LRRC37B: variants seen among roughly 807,000 people sequenced by gnomAD.
The protein encoded by LRRC37B is leucine-rich repeat-containing protein 37B.
Under a neutral mutation model 98.3 loss-of-function variants are expected in LRRC37B, and 28 were observed. The observed-to-expected ratio is 0.28, with a 90% confidence interval of 0.21 to 0.39. LRRC37B has a LOEUF of 0.39. Ranked by LOEUF, LRRC37B falls within the 10% of genes least tolerant of loss-of-function variation. The pLI is 1.00. For synonymous variants in LRRC37B, 364 were observed against 442.7 expected, an observed-to-expected ratio of 0.82 and a Z score of 2.23; for missense variants, 938 against 1,182.7, an observed-to-expected ratio of 0.79 and a Z score of 3.03.
At chr17:32,016,621 TA>T (rs1188336767), upstream of LRRC37B, among the ~76,000 whole-genome samples, 4 of 152,214 alleles carry the variant, frequency 2.6e-5, no homozygotes, top group African/African-American at 9.6e-5. Context: ...GGGAGAAGGA[TA>T]AAAATACAGA....
At chr17:32,045,668 A>T (rs182240385) in intron 7 of LRRC37B, 32 bp from the exon 11 acceptor site, 13 of 1,603,408 alleles carry the variant, frequency 8.1e-6, no homozygotes, top group African/African-American at 8.0e-5. Context: ...CCGCTTTACC[A>T]CTAATTTATT....
intron 8 of LRRC37B, among the ~76,000 whole-genome samples, chr17:32,046,227 T>A (rs1911575891): frequency 6.6e-6 from 1 of 152,184 alleles, no homozygotes; most frequent in African/African-American, 2.4e-5. Flanking sequence ...TAGATCCGGT[T>A]TTGTTTTTGT....
exon 8 of LRRC37B, chr17:32,045,785 A>G: frequency 6.2e-7 from 1 of 1,600,490 alleles, no homozygotes; most frequent in Non-Finnish European, 8.5e-7. Flanking sequence ...GCTGCATTGC[A>G]ACACTGCATG....
In LRRC37B at chr17:32,047,860, C is replaced by T. The variant is rs547222676; in HGVS notation, c.2423C>T (p.Ala808Val). The T allele has an allele frequency of 6.3e-5, 102 of 1,614,080 alleles. No individual in the cohort carries two copies. The highest frequency in any genetic ancestry group is 1.7e-4 in the African/African-American group (13 of 75,016). Residue 808 changes from alanine (A) to valine (V), a missense_variant, in exon 9 of 12, where the codon GCG (alanine) becomes GTG (valine). By Grantham distance (64) the Ala-to-Val change is moderately conservative (BLOSUM62 0). Around this residue, in one of 2 missense-constraint regions of LRRC37B, gnomAD observed 328 missense variants for 557.0 expected, o/e 0.59. Transcript: ENST00000327564. The stretch of plus-strand genomic sequence containing the variant: ...ACTCAGCTGACTATTGAGTCGGAGG[C>T]GCCCTCAGACAGCAGTGGCATCAAC...
At chr17:32,021,146 C>T (rs1910760048) in exon 1 of LRRC37B, 1 of 1,614,040 alleles carries the variant, frequency 6.2e-7, no homozygotes. Flanking sequence ...CAGCGTGTGT[C>T]ATGTCTTGGC....
upstream of LRRC37B, among the ~76,000 whole-genome samples, chr17:32,007,668 C>A (rs1910439926): frequency 6.6e-6 from 1 of 151,332 alleles, no homozygotes; most frequent in Non-Finnish European, 1.5e-5. The surrounding 1 kb of genome is among the most constrained non-coding windows in gnomAD (Gnocchi z 4.1). Flanking sequence ...GAGCGCTGCG[C>A]CCCGGCCCCG....
At chr17:32,035,538 C>G in intron 6 of LRRC37B, 27 bp from the exon 10 acceptor site, 1 of 1,596,396 alleles carries the variant, frequency 6.3e-7, no homozygotes, top group Non-Finnish European at 8.6e-7. Context: ...GGGTTCATAT[C>G]ATGAATGTTT....
chr17:32,047,917 C>A lies in LRRC37B; in HGVS notation c.2464+16C>A, dbSNP rs762176342. On this transcript the variant is annotated intron_variant, in intron 9 of 11. Transcript: ENST00000327564. The stretch of plus-strand genomic sequence containing the variant: ...GGCTTTGGGGGTGAGCAGCTAGACA[C>A]CAATGACGAGAGTGATGTTAGCAGT... The A allele has an allele frequency of 4.3e-6, 7 of 1,613,952 alleles. No homozygotes were observed. In the African/African-American group the frequency reaches 5.3e-5, roughly 12 times the overall value.
chr17:32,011,206 A>C (rs1382001497), intron 1 of LRRC37B, among the ~76,000 whole-genome samples: 6 of 151,994 alleles, frequency 3.9e-5, no homozygotes, highest in Admixed American at 1.3e-4. Context: ...TATGTTAGCC[A>C]GTCAGTTCTC....
At position 32,022,398 on chromosome 17, in the gene LRRC37B, C is replaced by G. The variant is rs748496618; in HGVS notation, c.1333C>G (p.Pro445Ala). The G allele has an allele frequency of 2.5e-6, 4 of 1,613,702 alleles. No homozygotes were observed. The South Asian group carries it at 4.4e-5, about 18-fold the overall frequency. ...ACACCTGACTGAAGCCACAGTTCAA[C>G]CTCTGGACCTGGAGCTTAGCATAAC... The change falls in exon 1 of 12, where the codon CCT becomes GCT. Residue 445 changes from proline (P) to alanine (A), a missense_variant. Physicochemically the swap from Pro to Ala is conservative, Grantham distance 27 (BLOSUM62 -1). This residue lies in a region of LRRC37B where 610 missense variants were observed against 625.6 expected (regional missense o/e 0.98). Transcript: ENST00000327564.
chr17:32,023,458 C>T (rs929158855), intron 1 of LRRC37B, among the ~76,000 whole-genome samples: 2 of 152,210 alleles, frequency 1.3e-5, no homozygotes, highest in African/African-American at 4.8e-5. Flanking sequence ...GTCACTCTCC[C>T]AATCTCAGTG....
At chr17:32,051,494 A>AG (rs1159141885) in intron 11 of LRRC37B, 1 of 151,888 alleles carries the variant, frequency 6.6e-6, no homozygotes, top group Non-Finnish European at 1.5e-5. Context: ...AAAAAAAAAA[A>AG]AAAAAGAAAG....
intron 6 of LRRC37B, 150 bp downstream of exon 9, chr17:32,035,131 T>C: frequency 1.6e-6 from 1 of 632,978 alleles, no homozygotes; most frequent in Non-Finnish European, 2.7e-6. Flanking sequence ...AGAAAAGGAT[T>C]AAGAAAGGAT....
intron 11 of LRRC37B, among the ~76,000 whole-genome samples, chr17:32,050,854 T>G (rs1360504768): frequency 6.6e-6 from 1 of 152,180 alleles, no homozygotes; most frequent in Non-Finnish European, 1.5e-5. Context: ...ACAGTGCCCA[T>G]TCCTGGAGCT....
At chr17:32,018,205 G>A (rs560159509), upstream of LRRC37B, among the ~76,000 whole-genome samples, 16 of 151,936 alleles carry the variant, frequency 1.1e-4, no homozygotes, top group Admixed American at 5.2e-4. Context: ...GGTGGTGCAT[G>A]CATCCCAGCT....
upstream of LRRC37B, among the ~76,000 whole-genome samples, chr17:32,017,597 G>A (rs1598201736): frequency 6.6e-6 from 1 of 152,128 alleles, no homozygotes; most frequent in East Asian, 1.9e-4. Context: ...TTCAAGCTAG[G>A]AGTTCGAGAC....
At chr17:32,016,920 T>C (rs1055904875), upstream of LRRC37B, 8 of 152,210 alleles carry the variant, frequency 5.3e-5, no homozygotes, top group African/African-American at 1.9e-4. Flanking sequence ...TTCTTTTGTT[T>C]CCAGGATCTT....
chr17:32,047,799 A>G, exon 9 of LRRC37B: 1 of 1,614,078 alleles, frequency 6.2e-7, no homozygotes, highest in Non-Finnish European at 8.5e-7. Context: ...AGGAGCGTTC[A>G]TGAAGATGTT....
chr17:32,050,901 T>G (rs1911737118), intron 11 of LRRC37B: 1 of 152,204 alleles, frequency 6.6e-6, no homozygotes. Context: ...ATGTGATGTA[T>G]TACTTTTCCC....
Sources: allele counts gnomAD v4.1 joint callset (sites outside exome capture counted in the v4.1 genomes callset), GRCh38; gene constraint gnomAD v4.1.1; regional missense constraint gnomAD v4.1.1; non-coding constraint Gnocchi (gnomAD v3.1); transcripts MANE v1.5; gene names NCBI Gene and HGNC (gene_info 2026-07-23, HGNC 2026-07-21).